Variants in TEPSIN observed in about 807,000 individuals in gnomAD.
TEPSIN encodes the protein TEPSIN adaptor related protein complex 4 accessory protein, also known as AP-4 complex accessory subunit tepsin.
Under a neutral mutation model 48.5 loss-of-function variants are expected in TEPSIN, and 50 were observed. The ratio of observed to expected loss-of-function variants is 1.03; its 90% CI spans 0.82 to 1.31. The LOEUF (loss-of-function observed/expected upper bound fraction) is 1.31, where lower values mean the gene tolerates loss of function less well. TEPSIN is among the 50% of genes most tolerant of loss of function. TEPSIN has a pLI of 0.00. For missense variants in TEPSIN, 838 were observed against 815.9 expected, an observed-to-expected ratio of 1.03 and a Z score of -0.33; for synonymous variants, 392 against 358.8, an observed-to-expected ratio of 1.09 and a Z score of -1.05.
intron 1 of TEPSIN, 191 bp from the exon 2 acceptor site, chr17:81,237,650 G>A: frequency 4.7e-6 from 3 of 637,858 alleles, no homozygotes; most frequent in Non-Finnish European, 8.0e-6. Flanking sequence ...CAACAGTCAG[G>A]GATGAACAGC....
At position 81,233,382 on chromosome 17, in the gene TEPSIN, C is replaced by T. The variant is rs774543967; in HGVS notation, c.526+50G>A. ...CATGGTCCGGCCCCCACCACCTCCT[C>T]ATCCCCACACCCTGAGATGCCAGAG... On this transcript the variant is annotated intron_variant, in intron 7 of 12. Coordinates refer to ENST00000637944, the MANE Select transcript of TEPSIN (RefSeq NM_001363764.2). This position sits in a 1 kb window ranked among gnomAD's most constrained non-coding sequence, Gnocchi z 5.8. 6.3e-7 allele frequency: 1 copy of T among 1,596,798 alleles called. No homozygotes were observed. The highest frequency in any genetic ancestry group is 1.1e-5 in the South Asian group (1 of 89,016).
chr17:81,238,143 G>T, intron 1 of TEPSIN: 1 of 985,650 alleles, frequency 1.0e-6, no homozygotes, highest in South Asian at 4.7e-5. Context: ...AAGCCTTTCG[G>T]TCGGAAGGGC....
intron 11 of TEPSIN, chr17:81,231,017 A>C: frequency 2.1e-6 from 1 of 477,280 alleles, no homozygotes; most frequent in Non-Finnish European, 3.7e-6. Context: ...CGATTGCCTT[A>C]CCTTCATTCC....
chr17:81,234,383 T>C lies in TEPSIN; in HGVS notation c.308-335A>G. ...GGTGCACCAGGGACCCCTCAGAGGC[T>C]TCCGGGGCCTGGAGGGAGAAACCAG... is the stretch of plus-strand genomic sequence containing the variant. On this transcript the variant is annotated intron_variant, in intron 4 of 12. Coordinates refer to ENST00000637944, the MANE Select transcript of TEPSIN (RefSeq NM_001363764.2). The surrounding 1 kb of genome is among the most constrained non-coding windows in gnomAD (Gnocchi z 5.4). 3.8e-6 allele frequency: 1 copy of C among 260,042 alleles called. No homozygotes were observed. The highest frequency in any genetic ancestry group is 5.4e-5 in the Admixed American group (1 of 18,418). The allele number at this position is 260,042 out of a possible 1,614,324, so 16.1% of individuals were successfully genotyped here.
rs781774440 is a variant in TEPSIN, at chr17:81,236,999, G to A, written c.194C>T (p.Ser65Phe). 1 of 1,589,526 alleles carries A rather than the reference G, an allele frequency of 6.3e-7. No individual in the cohort carries two copies. The highest frequency in any genetic ancestry group is 1.1e-5 in the South Asian group (1 of 87,602). ...GCTCACCTTGAGCTTCCCGTGGCCG[G>A]AGCTGCTGTGCAGGCGGCTCAGGAG... ...EYLLSRLHSS[S>F]GHGKLKVLKI... is the part of the protein sequence containing the mutation. The change falls in exon 3 of 13, where the codon TCC becomes TTC. Residue 65 changes from serine (S) to phenylalanine (F), a missense_variant. Transcript: ENST00000637944.
rs2062567247 is a variant in TEPSIN, at chr17:81,230,420, C to T, written c.1233+124G>A. The T allele has an allele frequency of 7.2e-7, 1 of 1,385,926 alleles. No individual in the cohort carries two copies. The highest frequency in any genetic ancestry group is 9.7e-7 in the Non-Finnish European group (1 of 1,028,818). 85.9% of individuals were successfully genotyped at this position (1,385,926 alleles called of 1,614,324 possible). On this transcript the variant is annotated intron_variant, in intron 12 of 12. Transcript: ENST00000637944. This position sits in a 1 kb window ranked among gnomAD's most constrained non-coding sequence, Gnocchi z 4.2. ...GCTCCCTCTGCCAGCGGGACAGGGACTTGAGAGGGGGTCCGGGAAGGGCTG... is the reference window on the plus strand; with the variant it reads ...GCTCCCTCTGCCAGCGGGACAGGGATTTGAGAGGGGGTCCGGGAAGGGCTG...
Position 81,228,971 on chromosome 17 carries a change from G to A in TEPSIN, c.1739C>T (p.Pro580Leu). The A allele has an allele frequency of 1.2e-6, 2 of 1,613,868 alleles. No individual in the cohort carries two copies. Among genetic ancestry groups the A allele is most frequent in the Non-Finnish European group, 8.5e-7 (1 of 1,180,016 alleles). The change falls in exon 13 of 13, where the codon CCT (proline) becomes CTT (leucine). Residue 580 changes from proline to leucine, a missense_variant. By Grantham distance (98) the Pro-to-Leu change is moderately conservative. Transcript: ENST00000637944. Reference protein sequence around the residue: ...TSSQRTAAKEPPGSEPSAFAF... With the variant: ...TSSQRTAAKELPGSEPSAFAF... Reference sequence around the variant, plus strand: ...GAAAGCTGACGGCTCTGAGCCAGGAGGCTCTTTGGCTGCTGTCCTCTGGGA... The same window carrying A: ...GAAAGCTGACGGCTCTGAGCCAGGAAGCTCTTTGGCTGCTGTCCTCTGGGA...
chr17:81,238,071 G>C, intron 1 of TEPSIN: 1 of 990,406 alleles, frequency 1.0e-6, no homozygotes, highest in South Asian at 4.6e-5. Context: ...TCAGTATCAG[G>C]ACAGAATAGA....
rs745866851 is a variant in TEPSIN at position 81,232,366 on chromosome 17, C to A, written c.679G>T (p.Gly227Cys). Residue 227 changes from glycine to cysteine, a missense_variant, in exon 8 of 13, where the codon GGT (glycine) becomes TGT (cysteine). Physicochemically the swap from Gly to Cys is radical, Grantham distance 159. Coordinates refer to ENST00000637944, the MANE Select transcript of TEPSIN (RefSeq NM_001363764.2). The stretch of plus-strand genomic sequence containing the variant: ...AGTAGGTTCCCCAGGGTTGGGGGAC[C>A]GTGGCTGGCTGAAGGCATCATGGCA... ...QPAMMPSASHGPPTLGNLLPG... is the reference protein window; with the variant it reads ...QPAMMPSASHCPPTLGNLLPG... The A allele has an allele frequency of 6.5e-7, 1 of 1,535,498 alleles. No individual in the cohort carries two copies. Among genetic ancestry groups the A allele is most frequent in the East Asian group, 2.4e-5 (1 of 40,872 alleles).
chr17:81,237,573 A>G, intron 1 of TEPSIN, 114 bp from the exon 2 acceptor site: 2 of 1,108,622 alleles, frequency 1.8e-6, no homozygotes, highest in Admixed American at 2.6e-5. Context: ...ACATGGCCGG[A>G]GAGAGGACTG....
chr17:81,234,984 AACATTCCAAACTCCTCCCCAACCAGAG>A lies in TEPSIN; in HGVS notation c.308-963_308-937del, dbSNP rs1231440347. Among the ~76,000 whole-genome samples the A allele has an allele frequency of 6.6e-6, 1 of 152,126 alleles. No individual in the cohort carries two copies. The highest frequency in any genetic ancestry group is 1.5e-5 in the Non-Finnish European group (1 of 68,020). ...ACCACAAATAACATCTCCAACCAGA[AACATTCCAAACTCCTCCCCAACCAGAG>A]ACATGCTAGCCCCAAGATAACCCTT... On this transcript the variant is annotated intron_variant, in intron 4 of 12. Coordinates refer to ENST00000637944, the MANE Select transcript of TEPSIN (RefSeq NM_001363764.2). The surrounding 1 kb of genome is among the most constrained non-coding windows in gnomAD (Gnocchi z 5.4).
At chr17:81,238,781 TCCGGCTTGGAAGGC>T (rs1209147159) in intron 1 of TEPSIN, 191 bp downstream of exon 1, 60 of 1,313,634 alleles carry the variant, frequency 4.6e-5, no homozygotes, top group South Asian at 4.3e-4. Flanking sequence ...GCTCGGCGGG[TCCGGCTTGGAAGGC>T]CCGGCTTGGA....
At chr17:81,232,229 G>C (rs752086760) in intron 8 of TEPSIN, 86 bp downstream of exon 8, 35 of 1,400,040 alleles carry the variant, frequency 2.5e-5, no homozygotes, top group Non-Finnish European at 3.2e-5. Context: ...GGGAGGCCCT[G>C]GGATTTGCCT....
chr17:81,238,777 C>T lies in TEPSIN; in HGVS notation c.48+209G>A, dbSNP rs1250968332. On this transcript the variant is annotated intron_variant, in intron 1 of 12. Coordinates refer to ENST00000637944, the MANE Select transcript of TEPSIN (RefSeq NM_001363764.2). Reference sequence around the variant, plus strand: ...CTGTGCCCATCGCCCTTGCGCTCGGCGGGTCCGGCTTGGAAGGCCCGGCTT... The same window carrying T: ...CTGTGCCCATCGCCCTTGCGCTCGGTGGGTCCGGCTTGGAAGGCCCGGCTT... The T allele has an allele frequency of 4.6e-6, 6 of 1,312,798 alleles. No individual in the cohort carries two copies. The African/African-American group carries it at 9.3e-5, about 20-fold the overall frequency. 81.3% of individuals were successfully genotyped at this position (1,312,798 alleles called of 1,614,324 possible).
At position 81,231,586 on chromosome 17, in the gene TEPSIN, G is replaced by T; in HGVS notation, c.1011C>A (p.Phe337Leu). ...AFLSREEAQH[F>L]IKACGLLNCE... The stretch of plus-strand genomic sequence containing the variant: ...GGTCCGGGCGCACTCACGCTTTGAT[G>T]AAGTGCTGTGCCTCCTCGCGGCTCA... Residue 337 changes from phenylalanine (F) to leucine (L), a missense_variant, in exon 10 of 13, where the codon TTC becomes TTA. Transcript: ENST00000637944. 1 of 1,612,314 alleles carries T rather than the reference G, an allele frequency of 6.2e-7. No individual in the cohort carries two copies. The highest frequency in any genetic ancestry group is 8.5e-7 in the Non-Finnish European group (1 of 1,179,392).
intron 1 of TEPSIN, chr17:81,238,005 CA>C (rs1451390832): frequency 1.0e-6 from 1 of 996,804 alleles, no homozygotes; most frequent in Non-Finnish European, 1.2e-6. Flanking sequence ...TACTTACTGG[CA>C]CAAAGATGTA....
rs557929439 is a variant in TEPSIN at position 81,230,630 on chromosome 17, G to T, written c.1147C>A (p.Gln383Lys). 1.3e-6 allele frequency: 2 copies of T among 1,597,712 alleles called. No homozygotes were observed. The highest frequency in any genetic ancestry group is 2.3e-5 in the East Asian group (1 of 44,056). The change falls in exon 12 of 13, where the codon CAG becomes AAG. Residue 383 changes from glutamine (Q) to lysine (K), a missense_variant. By Grantham distance (53) the Gln-to-Lys change is moderately conservative (BLOSUM62 1). Coordinates refer to ENST00000637944, the MANE Select transcript of TEPSIN (RefSeq NM_001363764.2). This position sits in a 1 kb window ranked among gnomAD's most constrained non-coding sequence, Gnocchi z 4.2. ...ASLGSSDLLPQEHILLRTRPW... is the reference protein window; with the variant it reads ...ASLGSSDLLPKEHILLRTRPW... ...CGGGTGCGGAGGAGGATGTGCTCCT[G>T]GGGGAGGAGGTCGCTGCTCCCCAGG...
At chr17:81,231,249 ACACAGGCATGTGCGCACG>A in intron 11 of TEPSIN, 131 bp downstream of exon 11, 1 of 788,752 alleles carries the variant, frequency 1.3e-6, no homozygotes, top group Non-Finnish European at 2.0e-6. Flanking sequence ...ACACGCACAC[ACACAGGCATGTGCGCACG>A]CACAGCCACA....
intron 4 of TEPSIN, among the ~76,000 whole-genome samples, chr17:81,236,090 C>T (rs2062715359): frequency 6.6e-6 from 1 of 152,246 alleles, no homozygotes; most frequent in Non-Finnish European, 1.5e-5. Context: ...CCCTCCACCC[C>T]ATGGAAGATC....
Sources: gnomAD v4.1 joint callset for allele counts (sites outside exome capture counted in the v4.1 genomes callset) on GRCh38, gnomAD v4.1.1 for gene constraint, Gnocchi (gnomAD v3.1) non-coding constraint, MANE v1.5 for transcripts, NCBI Gene and HGNC (gene_info 2026-07-23, HGNC 2026-07-21) for gene names.